The following FBXL7 variants were observed in gnomAD, a reference collection of about 807,000 sequenced individuals.
FBXL7 encodes the protein F-box and leucine rich repeat protein 7, also known as F-box/LRR-repeat protein 7.
FBXL7 carries 12 observed loss-of-function variants against 38.3 expected under a neutral mutation model. The ratio of observed to expected loss-of-function variants is 0.31; its 90% confidence interval spans 0.20 to 0.51. FBXL7 has a LOEUF of 0.51. FBXL7 is among the 20% of genes least tolerant of loss of function. FBXL7 has a pLI of 0.98. For missense variants in FBXL7, 567 were observed against 676.4 expected (o/e 0.84, Z 1.79); for synonymous variants, 297 against 300.9 (o/e 0.99, Z 0.13).
At chr5:15,695,143 CAAAAG>C (rs1332306320) in intron 2 of FBXL7, among the ~76,000 whole-genome samples, 1 of 152,018 alleles carries the variant, frequency 6.6e-6, no homozygotes, top group African/African-American at 2.4e-5. Flanking sequence ...CTTTTAGAGT[CAAAAG>C]AAAGGAAAAG....
intron 2 of FBXL7, among the ~76,000 whole-genome samples, chr5:15,750,740 T>C (rs1736133349): frequency 6.6e-6 from 1 of 152,304 alleles, no homozygotes; most frequent in Non-Finnish European, 1.5e-5. Context: ...CATGAGCGGC[T>C]GCCTTACTCC....
At chr5:15,563,253 G>T (rs1738468019) in intron 1 of FBXL7, among the ~76,000 whole-genome samples, 1 of 152,098 alleles carries the variant, frequency 6.6e-6, no homozygotes, top group Non-Finnish European at 1.5e-5. Flanking sequence ...ACCAAGTTGG[G>T]CTAACACTTG....
intron 2 of FBXL7, among the ~76,000 whole-genome samples, chr5:15,719,027 A>G (rs910769707): frequency 6.6e-6 from 1 of 152,232 alleles, no homozygotes; most frequent in Admixed American, 6.5e-5. Flanking sequence ...TTTGCATCCT[A>G]GGAACTGACT....
intron 1 of FBXL7, among the ~76,000 whole-genome samples, chr5:15,609,297 T>C (rs1054674358): frequency 6.6e-6 from 1 of 152,148 alleles, no homozygotes; most frequent in Non-Finnish European, 1.5e-5. Context: ...GAAGGGCAGG[T>C]TGAGGCACAG....
intron 2 of FBXL7, among the ~76,000 whole-genome samples, chr5:15,759,449 C>A (rs1736385161): frequency 6.6e-6 from 1 of 152,126 alleles, no homozygotes; most frequent in Non-Finnish European, 1.5e-5. Flanking sequence ...CCATTGACTG[C>A]CTTTGAAATA....
chr5:15,877,728 C>A (rs1740268654), intron 2 of FBXL7, among the ~76,000 whole-genome samples: 1 of 152,154 alleles, frequency 6.6e-6, no homozygotes, highest in East Asian at 1.9e-4. Context: ...ATCTGTGGTA[C>A]TGAGTTTCTC....
chr5:15,703,596 A>T (rs1377840535), intron 2 of FBXL7, among the ~76,000 whole-genome samples: 1 of 152,128 alleles, frequency 6.6e-6, no homozygotes, highest in Non-Finnish European at 1.5e-5. Context: ...CTAGGTGAAA[A>T]GTCATTAACT....
intron 1 of FBXL7, among the ~76,000 whole-genome samples, chr5:15,502,117 G>A (rs1377907227): frequency 6.6e-6 from 1 of 152,102 alleles, no homozygotes; most frequent in Non-Finnish European, 1.5e-5. Context: ...TTATTAAAAA[G>A]CTTTCAGGAT....
At chr5:15,855,412 A>T (rs1561154032) in intron 2 of FBXL7, among the ~76,000 whole-genome samples, 1 of 152,136 alleles carries the variant, frequency 6.6e-6, no homozygotes, top group African/African-American at 2.4e-5. Context: ...TTATAGATGG[A>T]TTGAGACACA....
At chr5:15,698,244 A>T (rs1254871378) in intron 2 of FBXL7, among the ~76,000 whole-genome samples, 2 of 152,218 alleles carry the variant, frequency 1.3e-5, no homozygotes, top group Admixed American at 6.5e-5. Flanking sequence ...AACTTCCAGA[A>T]CATAGGCAAA....
intron 2 of FBXL7, among the ~76,000 whole-genome samples, chr5:15,772,789 T>G (rs1736761112): frequency 6.6e-6 from 1 of 152,242 alleles, no homozygotes; most frequent in Admixed American, 6.5e-5. Flanking sequence ...TATCCCTTTT[T>G]ATTTCCATAT....
chr5:15,759,899 T>C (rs546840382), intron 2 of FBXL7, among the ~76,000 whole-genome samples: 1 of 152,304 alleles, frequency 6.6e-6, no homozygotes, highest in South Asian at 2.1e-4. Flanking sequence ...CAGAACGATA[T>C]AGTACCTCCT....
intron 1 of FBXL7, among the ~76,000 whole-genome samples, chr5:15,546,560 C>T (rs951607725): frequency 4.6e-5 from 7 of 151,846 alleles, no homozygotes; most frequent in African/African-American, 1.7e-4. Flanking sequence ...TAGCGAGACT[C>T]TGTCTCCAAA....
At chr5:15,566,298 T>A (rs1389486648) in intron 1 of FBXL7, among the ~76,000 whole-genome samples, 1 of 152,156 alleles carries the variant, frequency 6.6e-6, no homozygotes, top group African/African-American at 2.4e-5. Flanking sequence ...CTCCGCTGCC[T>A]TTTTTATTGG....
At chr5:15,761,418 A>G (rs1190113042) in intron 2 of FBXL7, among the ~76,000 whole-genome samples, 1 of 152,180 alleles carries the variant, frequency 6.6e-6, no homozygotes, top group African/African-American at 2.4e-5. Context: ...TTGAACTTGG[A>G]GAAGGTAGGA....
intron 2 of FBXL7, among the ~76,000 whole-genome samples, chr5:15,706,747 C>T (rs1397251038): frequency 6.6e-6 from 1 of 151,948 alleles, no homozygotes; most frequent in Non-Finnish European, 1.5e-5. Context: ...GAGGATTTTC[C>T]CTAAGTGTCT....
At chr5:15,798,431 G>A (rs1204770280) in intron 2 of FBXL7, among the ~76,000 whole-genome samples, 7 of 152,066 alleles carry the variant, frequency 4.6e-5, no homozygotes, top group Admixed American at 6.6e-5. Context: ...CTTCCACATC[G>A]TTCTGAATTT....
intron 2 of FBXL7, among the ~76,000 whole-genome samples, chr5:15,742,767 C>T (rs1286247259): frequency 1.3e-5 from 2 of 152,148 alleles, no homozygotes; most frequent in Non-Finnish European, 2.9e-5. Flanking sequence ...TAAAGACATA[C>T]TCGAGACTGA....
intron 2 of FBXL7, among the ~76,000 whole-genome samples, chr5:15,675,610 C>G (rs1742627268): frequency 6.6e-6 from 1 of 152,218 alleles, no homozygotes; most frequent in South Asian, 2.1e-4. Context: ...GCTTTGCCCT[C>G]TCTCAGGGGG....
Sources: gnomAD v4.1 joint callset for allele counts (sites outside exome capture counted in the v4.1 genomes callset) on GRCh38, gnomAD v4.1.1 for gene constraint, MANE v1.5 for transcripts, NCBI Gene and HGNC (gene_info 2026-07-23, HGNC 2026-07-21) for gene names.